Variants in BORCS5 observed in about 807,000 individuals in gnomAD.
BORCS5 encodes the protein BLOC-1-related complex subunit 5.
In BORCS5, 17 loss-of-function variants were observed where a neutral mutation model predicts 22.1. The observed-to-expected ratio is 0.77, with a 90% CI of 0.53 to 1.15. The LOEUF is 1.15. Among genes scored for constraint, BORCS5 ranks in the 50% most tolerant of loss-of-function variants. BORCS5 has a pLI of 0.00. For synonymous variants in BORCS5, 117 were observed against 99.8 expected (o/e 1.17, Z -1.03); for missense variants, 247 against 253.2 (o/e 0.98, Z 0.17).
intron 2 of BORCS5, among the ~76,000 whole-genome samples, chr12:12,413,026 T>C (rs562459918): frequency 1.4e-5 from 2 of 140,620 alleles, no homozygotes; most frequent in African/African-American, 5.3e-5. Context: ...CAAAGGTCTC[T>C]GGTTTTCCTA....
At chr12:12,451,140 A>G (rs1276797592) in intron 3 of BORCS5, among the ~76,000 whole-genome samples, 1 of 151,738 alleles carries the variant, frequency 6.6e-6, no homozygotes, top group Non-Finnish European at 1.5e-5. Context: ...AGGTACGCCT[A>G]TGAGAATACA....
At chr12:12,420,358 A>G (rs1304760753) in intron 2 of BORCS5, among the ~76,000 whole-genome samples, 1 of 152,158 alleles carries the variant, frequency 6.6e-6, no homozygotes, top group East Asian at 1.9e-4. Flanking sequence ...ATGGTTGTAG[A>G]TGTGTGGTGT....
chr12:12,393,817 G>A (rs909627170), intron 2 of BORCS5, among the ~76,000 whole-genome samples: 1 of 151,474 alleles, frequency 6.6e-6, no homozygotes, highest in East Asian at 1.9e-4. Context: ...CATCGCGCCC[G>A]GCCTTTGTCT....
chr12:12,359,790 TG>T (rs1296223347), intron 1 of BORCS5, among the ~76,000 whole-genome samples: 1 of 151,782 alleles, frequency 6.6e-6, no homozygotes, highest in Non-Finnish European at 1.5e-5. Flanking sequence ...TGTGGTAGGG[TG>T]GATAGACAGC....
intron 2 of BORCS5, among the ~76,000 whole-genome samples, chr12:12,379,688 C>T (rs1216567830): frequency 6.6e-6 from 1 of 151,232 alleles, no homozygotes; most frequent in African/African-American, 2.4e-5. Flanking sequence ...GAGGTGCTTC[C>T]TTGATTAGGC....
At chr12:12,404,526 C>T (rs1043315035) in intron 2 of BORCS5, among the ~76,000 whole-genome samples, 2 of 152,178 alleles carry the variant, frequency 1.3e-5, no homozygotes, top group South Asian at 4.1e-4. Flanking sequence ...CATGGCCTAA[C>T]CACCTCTTAA....
intron 2 of BORCS5, among the ~76,000 whole-genome samples, chr12:12,411,739 A>C (rs1186122061): frequency 1.3e-5 from 2 of 152,200 alleles, no homozygotes; most frequent in African/African-American, 2.4e-5. Context: ...TATAGTAAAA[A>C]ACATTAAACG....
chr12:12,397,310 A>G (rs749919837), intron 2 of BORCS5, among the ~76,000 whole-genome samples: 33 of 152,166 alleles, frequency 2.2e-4, no homozygotes, highest in Admixed American at 8.5e-4. Context: ...CCGACATCCT[A>G]GAGAATGACC....
At chr12:12,388,339 T>A (rs181752841) in intron 2 of BORCS5, among the ~76,000 whole-genome samples, 4 of 151,126 alleles carry the variant, frequency 2.6e-5, no homozygotes, top group African/African-American at 9.7e-5. Flanking sequence ...GATGAGAGAG[T>A]AATGATTCTA....
chr12:12,426,612 C>T (rs879916906), intron 2 of BORCS5, among the ~76,000 whole-genome samples: 13 of 152,198 alleles, frequency 8.5e-5, no homozygotes, highest in Admixed American at 3.3e-4. Context: ...CCACAAATTC[C>T]CTTGAACCCT....
chr12:12,452,271 T>C, intron 3 of BORCS5: 1 of 779,514 alleles, frequency 1.3e-6, no homozygotes, highest in Non-Finnish European at 2.2e-6. Context: ...TGCACCAATT[T>C]GTGTAACAAT....
At chr12:12,445,496 CTT>C (rs5796492) in intron 3 of BORCS5, among the ~76,000 whole-genome samples, 3,256 of 45,762 alleles carry the variant, frequency 0.071, 69 homozygotes, top group African/African-American at 0.22. Context: ...ACATGCATTG[CTT>C]TTTTTTTTTT....
chr12:12,408,302 T>C (rs1358467772), intron 2 of BORCS5, among the ~76,000 whole-genome samples: 1 of 152,254 alleles, frequency 6.6e-6, no homozygotes, highest in Non-Finnish European at 1.5e-5. Context: ...TTCAGTTCTT[T>C]TGGGTGCATA....
chr12:12,424,228 C>A (rs1017910242), intron 2 of BORCS5, among the ~76,000 whole-genome samples: 2 of 152,228 alleles, frequency 1.3e-5, no homozygotes. Flanking sequence ...GTTCACTTTT[C>A]CTTAATCTTT....
At position 12,435,763 on chromosome 12, in the gene BORCS5, C is replaced by T; in HGVS notation, c.338C>T (p.Ala113Val). Residue 113 changes from alanine to valine, a missense_variant, in exon 3 of 4, where the codon GCT becomes GTT. Ala to Val is a moderately conservative substitution (Grantham distance 64). Transcript: ENST00000314565. ...CAEAVAFDQN[A>V]LVKRIKEMDL... ...GAGGCCGTTGCTTTTGACCAGAATG[C>T]TTTGGTTAAACGAATCAAAGAGGTA... 6.2e-7 allele frequency: 1 copy of T among 1,613,476 alleles called. No homozygotes were observed. Among genetic ancestry groups the T allele is most frequent in the Non-Finnish European group, 8.5e-7 (1 of 1,179,774 alleles).
In BORCS5 at chr12:12,360,807, G is replaced by A. The variant is rs186259153; in HGVS notation, c.59-399G>A. On this transcript the variant is annotated intron_variant, in intron 1 of 3. Coordinates refer to ENST00000314565, the MANE Select transcript of BORCS5 (RefSeq NM_058169.6). The stretch of plus-strand genomic sequence containing the variant: ...ACGATCTTGGCACACCGCAACCTCC[G>A]CCTCTCGGGCTCAAGTGATTCTCCT... Among the ~76,000 whole-genome samples, 216 of 151,772 alleles carry A rather than the reference G, an allele frequency of 1.4e-3. 2 individuals are homozygous for A. The highest frequency in any genetic ancestry group is 5.0e-3 in the African/African-American group (207 of 41,392).
intron 3 of BORCS5, among the ~76,000 whole-genome samples, chr12:12,453,349 T>C (rs1011984151): frequency 6.6e-6 from 1 of 152,216 alleles, no homozygotes; most frequent in Non-Finnish European, 1.5e-5. Context: ...ATGGTATGGC[T>C]AATGTAAAGA....
intron 2 of BORCS5, among the ~76,000 whole-genome samples, chr12:12,432,125 C>G (rs1565908390): frequency 1.3e-5 from 2 of 151,986 alleles, no homozygotes; most frequent in Non-Finnish European, 2.9e-5. Flanking sequence ...TTTGGGTATT[C>G]TTTTTGTATT....
At chr12:12,431,955 A>C (rs1375608180) in intron 2 of BORCS5, among the ~76,000 whole-genome samples, 1 of 152,086 alleles carries the variant, frequency 6.6e-6, no homozygotes, top group Non-Finnish European at 1.5e-5. Flanking sequence ...CAGCCTCCCA[A>C]AGTGCTGGAA....
Sources: allele counts gnomAD v4.1 joint callset (sites outside exome capture counted in the v4.1 genomes callset), GRCh38; gene constraint gnomAD v4.1.1; transcripts MANE v1.5; gene names NCBI Gene and HGNC (gene_info 2026-07-23, HGNC 2026-07-21).